AFF2: variants seen among roughly 807,000 people sequenced by gnomAD.
AFF2 encodes ALF transcription elongation factor 2.
A neutral mutation model predicts 76.9 loss-of-function variants in AFF2; 14 were observed. The observed-to-expected ratio is 0.18, with a 90% CI of 0.12 to 0.28. The LOEUF (loss-of-function observed/expected upper bound fraction) is 0.28, where lower values mean the gene tolerates loss of function less well. AFF2 is among the 10% of genes least tolerant of loss of function. The pLI, the probability that AFF2 is intolerant of heterozygous loss-of-function variation, is 1.00. For synonymous variants in AFF2, 398 were observed against 366.7 expected (o/e 1.09, Z -0.98); for missense variants, 868 against 1,001.1 (o/e 0.87, Z 1.79).
rs1021934763 is a variant in AFF2 at position 148,804,724 on chromosome X, G to C, written c.1042-5152G>C. On this transcript the variant is annotated intron_variant, in intron 3 of 20. Coordinates refer to ENST00000370460, the MANE Select transcript of AFF2 (RefSeq NM_002025.4). ...TGGACCATGTAACTGTTGTGAAATCGTTTTTGTTTTGATTAAAGTTATATT... is the reference window on the plus strand; with the variant it reads ...TGGACCATGTAACTGTTGTGAAATCCTTTTTGTTTTGATTAAAGTTATATT... Among the ~76,000 whole-genome samples, 8 of 112,211 alleles carry C rather than the reference G, an allele frequency of 7.1e-5. No homozygotes were observed. The Admixed American group carries it at 7.5e-4, about 11-fold the overall frequency.
chrX:148,687,380 G>T (rs1194432443), intron 3 of AFF2, among the ~76,000 whole-genome samples: 1 of 111,781 alleles, frequency 8.9e-6, no homozygotes, highest in African/African-American at 3.2e-5. Context: ...TCACATGAAG[G>T]TATCCTTGTT....
chrX:148,813,867 A>G (rs782532957), intron 4 of AFF2, among the ~76,000 whole-genome samples: 27 of 112,473 alleles, frequency 2.4e-4, no homozygotes, highest in South Asian at 7.2e-4. Flanking sequence ...AACAAACTAG[A>G]ATTCACTGGC....
At chrX:148,584,557 ATT>A (rs3040766) in intron 1 of AFF2, among the ~76,000 whole-genome samples, 1 of 94,755 alleles carries the variant, frequency 1.1e-5, no homozygotes, top group African/African-American at 3.9e-5. Flanking sequence ...AAATGAAATG[ATT>A]TTTTTTTTTT....
At chrX:148,748,648 G>T (rs1557266254) in intron 3 of AFF2, among the ~76,000 whole-genome samples, 2 of 111,865 alleles carry the variant, frequency 1.8e-5, no homozygotes, top group Non-Finnish European at 3.8e-5. Context: ...TGGGTATTGT[G>T]CCCTGTGGAG....
chrX:148,910,477 G>C (rs2071456435), intron 9 of AFF2, among the ~76,000 whole-genome samples: 1 of 112,388 alleles, frequency 8.9e-6, no homozygotes, highest in African/African-American at 3.2e-5. Context: ...GATATATGGG[G>C]AGAGAAATGT....
intron 7 of AFF2, among the ~76,000 whole-genome samples, chrX:148,878,789 C>T (rs1026621121): frequency 8.9e-6 from 1 of 112,311 alleles, no homozygotes; most frequent in Non-Finnish European, 1.9e-5. Context: ...TTTTAACACA[C>T]ACACTTCTAA....
intron 15 of AFF2, among the ~76,000 whole-genome samples, chrX:148,971,747 C>CTTTTTTTTTTTTTTTTTTTAT (rs2072257378): frequency 1.4e-3 from 63 of 44,712 alleles, no homozygotes; most frequent in East Asian, 5.2e-3. Context: ...TTTTCTATTT[C>CTTTTTTTTTTTTTTTTTTTAT]TTTTTTTTTT....
intron 3 of AFF2, among the ~76,000 whole-genome samples, chrX:148,691,575 A>G (rs1557260768): frequency 2.7e-5 from 3 of 111,494 alleles, no homozygotes; most frequent in African/African-American, 9.8e-5. Context: ...CAAATCATGA[A>G]GTGTGAGTAG....
intron 9 of AFF2, among the ~76,000 whole-genome samples, chrX:148,922,255 A>G (rs1557283286): frequency 8.9e-6 from 1 of 111,924 alleles, no homozygotes; most frequent in African/African-American, 3.3e-5. Context: ...ATGATGTCGC[A>G]CACGATGCAT....
At chrX:148,919,955 G>C (rs2071574533) in intron 9 of AFF2, among the ~76,000 whole-genome samples, 1 of 111,856 alleles carries the variant, frequency 8.9e-6, no homozygotes, top group Non-Finnish European at 1.9e-5. Flanking sequence ...TTATGTTCTT[G>C]GATTTGGTAG....
At chrX:148,791,645 C>CA (rs2069896597) in intron 3 of AFF2, among the ~76,000 whole-genome samples, 2 of 112,302 alleles carry the variant, frequency 1.8e-5, no homozygotes, top group South Asian at 7.4e-4. Flanking sequence ...ATCTGTTATG[C>CA]AAAAAATAGC....
At chrX:148,524,424 G>A (rs1238930727) in intron 1 of AFF2, among the ~76,000 whole-genome samples, 1 of 110,986 alleles carries the variant, frequency 9.0e-6, no homozygotes, top group Non-Finnish European at 1.9e-5. Context: ...CAGGAACTTA[G>A]CATTAAAATT....
At chrX:148,801,521 G>T (rs1219111831) in intron 3 of AFF2, among the ~76,000 whole-genome samples, 1 of 111,533 alleles carries the variant, frequency 9.0e-6, no homozygotes, top group Non-Finnish European at 1.9e-5. Context: ...CAACCCAGCT[G>T]CTTATGTACC....
intron 1 of AFF2, among the ~76,000 whole-genome samples, chrX:148,602,977 A>G (rs2053640310): frequency 9.0e-6 from 1 of 111,263 alleles, no homozygotes; most frequent in African/African-American, 3.3e-5. Context: ...TTTTTTAATT[A>G]CATAACTGAT....
At chrX:148,759,845 T>C (rs1247076799) in intron 3 of AFF2, among the ~76,000 whole-genome samples, 1 of 112,259 alleles carries the variant, frequency 8.9e-6, no homozygotes, top group East Asian at 2.8e-4. Context: ...ATTATGACAA[T>C]GCCTGAACTG....
At chrX:148,636,710 T>C (rs192710600) in intron 1 of AFF2, among the ~76,000 whole-genome samples, 19 of 111,419 alleles carry the variant, frequency 1.7e-4, no homozygotes, top group African/African-American at 6.2e-4. Context: ...ACTGAGGGAG[T>C]TCTAAAAGTT....
At chrX:148,504,047 AT>A (rs1428106750) in intron 1 of AFF2, among the ~76,000 whole-genome samples, 3 of 112,029 alleles carry the variant, frequency 2.7e-5, no homozygotes, top group African/African-American at 9.8e-5. Flanking sequence ...AAAAAATCAA[AT>A]TTCTTCATTT....
At chrX:148,760,119 A>G (rs981215921) in intron 3 of AFF2, among the ~76,000 whole-genome samples, 2 of 112,558 alleles carry the variant, frequency 1.8e-5, no homozygotes, top group Non-Finnish European at 3.8e-5. Context: ...AAACATTGAA[A>G]CTAAGTCATT....
intron 9 of AFF2, among the ~76,000 whole-genome samples, chrX:148,919,558 A>C (rs2071569750): frequency 9.1e-6 from 1 of 109,892 alleles, no homozygotes; most frequent in East Asian, 2.8e-4. Flanking sequence ...TAAATATATA[A>C]TTTATTTATT....
Sources: gnomAD v4.1 joint callset for allele counts (sites outside exome capture counted in the v4.1 genomes callset) on GRCh38, gnomAD v4.1.1 for gene constraint, MANE v1.5 for transcripts, NCBI Gene and HGNC (gene_info 2026-07-23, HGNC 2026-07-21) for gene names.